LRP1: variants seen among roughly 807,000 people sequenced by gnomAD.
LRP1 encodes LDL receptor related protein 1.
A neutral mutation model predicts 541.5 loss-of-function variants in LRP1; 51 were observed. The ratio of observed to expected loss-of-function variants is 0.09; its 90% CI spans 0.08 to 0.12. The LOEUF (loss-of-function observed/expected upper bound fraction) is 0.12, where lower values mean the gene tolerates loss of function less well. Ranked by LOEUF, LRP1 falls within the 10% of genes least tolerant of loss-of-function variation. The pLI is 1.00. For synonymous variants in LRP1, 2,219 were observed against 2,470.8 expected (o/e 0.90, Z 3.02); for missense variants, 3,878 against 6,376.2 (o/e 0.61, Z 13.34).
In LRP1 at chr12:57,177,297, A is replaced by G. The variant is rs2136700405; in HGVS notation, c.4196+52A>G. 6.3e-7 allele frequency: 1 copy of G among 1,598,988 alleles called. No individual in the cohort carries two copies. The highest frequency in any genetic ancestry group is 2.2e-5 in the East Asian group (1 of 44,654). On this transcript the variant is annotated intron_variant, in intron 25 of 88. Transcript: ENST00000243077. The surrounding 1 kb of genome is among the most constrained non-coding windows in gnomAD (Gnocchi z 6.8). ...GGCCCCATGGCCCCCCTGAAGTCCCATTCAGCCTGGCCAGGGACACCTTAC... is the reference window on the plus strand; with the variant it reads ...GGCCCCATGGCCCCCCTGAAGTCCCGTTCAGCCTGGCCAGGGACACCTTAC...
At position 57,160,899 on chromosome 12, in the gene LRP1, G is replaced by A. The variant is rs935746742; in HGVS notation, c.1986G>A (p.Met662Ile). ...GACCAGTCGCTGCCCACAGGTGGATGTACTGGACAGACTGGGAGGAGGACC... is the reference window on the plus strand; with the variant it reads ...GACCAGTCGCTGCCCACAGGTGGATATACTGGACAGACTGGGAGGAGGACC... ...AIVVDPLNGW[M>I]YWTDWEEDPK... The change falls in exon 13 of 89, where the codon ATG becomes ATA. Residue 662 changes from methionine to isoleucine, a missense_variant. Met to Ile is a conservative substitution (Grantham distance 10). Transcript: ENST00000243077. 1 of 1,613,416 alleles carries A rather than the reference G, an allele frequency of 6.2e-7. No homozygotes were observed. The highest frequency in any genetic ancestry group is 8.5e-7 in the Non-Finnish European group (1 of 1,179,736).
Position 57,208,692 on chromosome 12 carries a change from A to G in LRP1, c.12039-19A>G, listed in dbSNP as rs1186198969. 5.1e-6 allele frequency: 8 copies of G among 1,557,602 alleles called. No homozygotes were observed. The highest frequency in any genetic ancestry group is 7.1e-6 in the Non-Finnish European group (8 of 1,132,732). ...CTGGCCCTCCGGCCTGCCCACACTCACCCCTTCTCCCTCCCCAGGACCATG... is the reference window on the plus strand; with the variant it reads ...CTGGCCCTCCGGCCTGCCCACACTCGCCCCTTCTCCCTCCCCAGGACCATG... On this transcript the variant is annotated intron_variant, in intron 77 of 88. Coordinates refer to ENST00000243077, the MANE Select transcript of LRP1 (RefSeq NM_002332.3).
At position 57,177,635 on chromosome 12, in the gene LRP1, CA is replaced by C. The variant is rs1368068472; in HGVS notation, c.4361+45del. The C allele has an allele frequency of 6.2e-7, 1 of 1,605,374 alleles. No individual in the cohort carries two copies. Among genetic ancestry groups the C allele is most frequent in the South Asian group, 1.1e-5 (1 of 89,994 alleles). ...CTGAGAAGGCCCAAGTCTGTGGCACCAGGACGGGGTGGGGAGGAACCTGTGG... is the reference window on the plus strand; with the variant it reads ...CTGAGAAGGCCCAAGTCTGTGGCACCGGACGGGGTGGGGAGGAACCTGTGG... On this transcript the variant is annotated intron_variant, in intron 26 of 88. Coordinates refer to ENST00000243077, the MANE Select transcript of LRP1 (RefSeq NM_002332.3). This position sits in a 1 kb window ranked among gnomAD's most constrained non-coding sequence, Gnocchi z 6.8.
At chr12:57,196,943 C>G (rs745411858) in intron 55 of LRP1, 39 bp from the exon 56 acceptor site, 1 of 1,564,604 alleles carries the variant, frequency 6.4e-7, no homozygotes, top group East Asian at 2.3e-5. Flanking sequence ...AGGCCCAGAC[C>G]CTGCCACATG....
chr12:57,212,412 C>T lies in LRP1; in HGVS notation c.13495-3C>T. ...CCTACCTGAACCCTCTGTCACCCTG[C>T]AGCCCACCAACTTCACCAACCCCGT... On this transcript the variant is annotated splice_polypyrimidine_tract_variant and splice_region_variant and intron_variant, in intron 88 of 88. Coordinates refer to ENST00000243077, the MANE Select transcript of LRP1 (RefSeq NM_002332.3). The surrounding 1 kb of genome is among the most constrained non-coding windows in gnomAD (Gnocchi z 5.0). 1 of 1,614,080 alleles carries T rather than the reference C, an allele frequency of 6.2e-7. No individual in the cohort carries two copies.
chr12:57,190,073 A>G (rs2036347049), intron 42 of LRP1, among the ~76,000 whole-genome samples: 1 of 152,160 alleles, frequency 6.6e-6, no homozygotes, highest in Non-Finnish European at 1.5e-5. Context: ...CAGGGCTCAG[A>G]GGGGCGACAG....
chr12:57,140,408 T>C (rs1346344994), intron 2 of LRP1, among the ~76,000 whole-genome samples: 1 of 152,260 alleles, frequency 6.6e-6, no homozygotes, highest in Admixed American at 6.5e-5. Flanking sequence ...TGAAATGAAT[T>C]TGAATATTTT....
intron 1 of LRP1, among the ~76,000 whole-genome samples, chr12:57,134,681 G>A (rs532115935): frequency 5.0e-4 from 76 of 151,824 alleles, no homozygotes; most frequent in Non-Finnish European, 9.0e-4. Context: ...GAGCCACTGC[G>A]CCCATCTGGT....
In LRP1 at chr12:57,193,556, C is replaced by G. The variant is rs765038294; in HGVS notation, c.7685-10C>G. ...TGTGGCTGACACGCAGCCTACTCCT[C>G]CATTTGCAGACTCCCGCCGCTGCAA... On this transcript the variant is annotated splice_polypyrimidine_tract_variant and intron_variant, in intron 46 of 88. Coordinates refer to ENST00000243077, the MANE Select transcript of LRP1 (RefSeq NM_002332.3). 1 of 1,612,800 alleles carries G rather than the reference C, an allele frequency of 6.2e-7. No homozygotes were observed. The highest frequency in any genetic ancestry group is 1.3e-5 in the African/African-American group (1 of 74,920).
Position 57,173,084 on chromosome 12 carries a change from T to C in LRP1, c.3164-84T>C. 1 of 1,202,130 alleles carries C rather than the reference T, an allele frequency of 8.3e-7. No homozygotes were observed. Among genetic ancestry groups the C allele is most frequent in the Non-Finnish European group, 1.2e-6 (1 of 859,794 alleles). The allele number at this position is 1,202,130 out of a possible 1,614,324, so 74.5% of individuals were successfully genotyped here. A position where few individuals can be genotyped will look rare whatever the true frequency, so the allele number is the denominator to read the frequency against. On this transcript the variant is annotated intron_variant, in intron 20 of 88. Coordinates refer to ENST00000243077, the MANE Select transcript of LRP1 (RefSeq NM_002332.3). This position sits in a 1 kb window ranked among gnomAD's most constrained non-coding sequence, Gnocchi z 4.7. ...CTCTGCTCATATCCCCAGGCTGGGCTTACCGGGGTGGCAGGGCACAGGGAT... is the reference window on the plus strand; with the variant it reads ...CTCTGCTCATATCCCCAGGCTGGGCCTACCGGGGTGGCAGGGCACAGGGAT...
chr12:57,195,791 G>A lies in LRP1; in HGVS notation c.8560+11G>A, dbSNP rs200358892. ...AGTCCCCCGAGTGTGGTGAGCCTTC[G>A]GCGGTGGTGGGAGGAGGCCCTGCCC... On this transcript the variant is annotated intron_variant, in intron 53 of 88. Transcript: ENST00000243077. The A allele has an allele frequency of 4.1e-5, 66 of 1,614,136 alleles. No individual in the cohort carries two copies. The highest frequency in any genetic ancestry group is 1.6e-4 in the Middle Eastern group (1 of 6,062).
rs1291582699 is a variant in LRP1 at position 57,197,492 on chromosome 12, G to A, written c.9163-53G>A. The A allele has an allele frequency of 1.1e-5, 18 of 1,613,604 alleles. No individual in the cohort carries two copies. Among genetic ancestry groups the A allele is most frequent in the Non-Finnish European group, 1.4e-5 (17 of 1,179,866 alleles). On this transcript the variant is annotated intron_variant, in intron 57 of 88. Coordinates refer to ENST00000243077, the MANE Select transcript of LRP1 (RefSeq NM_002332.3). This position sits in a 1 kb window ranked among gnomAD's most constrained non-coding sequence, Gnocchi z 4.5. The stretch of plus-strand genomic sequence containing the variant: ...AACCATCCCTCCCCCAGATGCAAAT[G>A]TGGCCCCTGTTGCCACAACCGACTT...
Position 57,132,893 on chromosome 12 carries a change from C to T in LRP1, c.67+3862C>T, listed in dbSNP as rs1440017623. ...CCTCCCCTCTGTTTTGGCTATTTTTCCCCCTTCCTGGCCAGACCCAGTGTC... is the reference window on the plus strand; with the variant it reads ...CCTCCCCTCTGTTTTGGCTATTTTTTCCCCTTCCTGGCCAGACCCAGTGTC... On this transcript the variant is annotated intron_variant, in intron 1 of 88. Coordinates refer to ENST00000243077, the MANE Select transcript of LRP1 (RefSeq NM_002332.3). Among the ~76,000 whole-genome samples, 3 of 152,280 alleles carry T rather than the reference C, an allele frequency of 2.0e-5. No individual in the cohort carries two copies. In the East Asian group the frequency reaches 5.8e-4, roughly 29 times the overall value.
chr12:57,208,913 TG>T, intron 78 of LRP1, 96 bp downstream of exon 78: 1 of 1,198,322 alleles, frequency 8.3e-7, no homozygotes, highest in South Asian at 1.3e-5. Context: ...AGGGATGGGA[TG>T]GGGCTTGGAC....
chr12:57,169,347 C>A (rs1457577201), intron 20 of LRP1, 40 bp downstream of exon 20: 3 of 1,544,292 alleles, frequency 1.9e-6, no homozygotes, highest in African/African-American at 1.4e-5. Context: ...TGAGATCGAG[C>A]CCCCTGCATC....
intron 79 of LRP1, among the ~76,000 whole-genome samples, 169 bp from the exon 80 acceptor site, chr12:57,209,522 AC>A (rs2036861597): frequency 6.6e-6 from 1 of 152,194 alleles, no homozygotes; most frequent in Admixed American, 6.5e-5. Flanking sequence ...GGGTGATGGG[AC>A]CTTTTGCCAG....
At chr12:57,143,268 C>T (rs930285810) in intron 3 of LRP1, among the ~76,000 whole-genome samples, 5 of 152,170 alleles carry the variant, frequency 3.3e-5, no homozygotes, top group Non-Finnish European at 7.4e-5. Context: ...AGACACGATT[C>T]CATGCCCACT....
In LRP1 at chr12:57,176,097, G is replaced by C; in HGVS notation, c.3982G>C (p.Asp1328His). The C allele has an allele frequency of 1.2e-6, 2 of 1,613,930 alleles. No homozygotes were observed. The highest frequency in any genetic ancestry group is 1.1e-5 in the South Asian group (1 of 91,086). Reference protein sequence around the residue: ...EDKIYRGKLLDNGALTSFEVV... With the variant: ...EDKIYRGKLLHNGALTSFEVV... Reference sequence around the variant, plus strand: ...CAAGATCTACCGCGGGAAGCTGCTGGACAACGGAGGTGACCACCGATTGCT... The same window carrying C: ...CAAGATCTACCGCGGGAAGCTGCTGCACAACGGAGGTGACCACCGATTGCT... Residue 1328 changes from aspartate to histidine, a missense_variant, in exon 24 of 89, where the codon GAC becomes CAC. By Grantham distance (81) the Asp-to-His change is moderately conservative. This residue lies in a region of LRP1 where 320 missense variants were observed against 547.9 expected (regional missense o/e 0.58). Transcript: ENST00000243077.
rs565868721 is a variant in LRP1 at position 57,209,997 on chromosome 12, C to G, written c.12440-32C>G. 92 of 1,588,488 alleles carry G rather than the reference C, an allele frequency of 5.8e-5. No individual in the cohort carries two copies. In the South Asian group the frequency reaches 1.0e-3, roughly 18 times the overall value. ...ACAGGGCTCAGAGAAGGGTCCTGCT[C>G]AGCATCCTCCCCACCCCACCCATAC... On this transcript the variant is annotated intron_variant, in intron 80 of 88. Transcript: ENST00000243077.
Sources: gnomAD v4.1 joint callset for allele counts (sites outside exome capture counted in the v4.1 genomes callset) on GRCh38, gnomAD v4.1.1 for gene constraint, gnomAD v4.1.1 regional missense constraint, Gnocchi (gnomAD v3.1) non-coding constraint, MANE v1.5 for transcripts, NCBI Gene and HGNC (gene_info 2026-07-23, HGNC 2026-07-21) for gene names.